The following TRIM62 variants were observed in gnomAD, a reference collection of about 807,000 sequenced individuals.
The protein encoded by TRIM62 is E3 ubiquitin-protein ligase TRIM62.
In TRIM62, 39 loss-of-function variants were observed where a neutral mutation model predicts 44.2. That is an observed-to-expected ratio of 0.88 (90% CI 0.68 to 1.15). The LOEUF (loss-of-function observed/expected upper bound fraction) is 1.15, where lower values mean the gene tolerates loss of function less well. Among genes scored for constraint, TRIM62 ranks in the 50% most tolerant of loss-of-function variants. The pLI, the probability that TRIM62 is intolerant of heterozygous loss-of-function variation, is 0.00. For synonymous variants in TRIM62, 278 were observed against 292.3 expected (o/e 0.95, Z 0.50); for missense variants, 544 against 665.5 (o/e 0.82, Z 2.01).
At chr1:33,155,366 C>T (rs12066702) in intron 4 of TRIM62, among the ~76,000 whole-genome samples, 6,238 of 152,052 alleles carry the variant, frequency 0.041, 292 homozygotes, top group African/African-American at 0.11. Context: ...CCACCATGCC[C>T]GGCCTCCCCT....
chr1:33,179,231 G>T (rs72885956), intron 1 of TRIM62, among the ~76,000 whole-genome samples: 3 of 152,362 alleles, frequency 2.0e-5, no homozygotes, highest in East Asian at 3.9e-4. Flanking sequence ...GCCAAGCCTT[G>T]TGCAGGCTCC....
chr1:33,175,080 C>G lies in TRIM62; in HGVS notation c.408+5945G>C, dbSNP rs554000017. The stretch of plus-strand genomic sequence containing the variant: ...TTTAAGATGGAGTCTCACTCTGTCA[C>G]CCAGGCTGGAGAGTAGTGGAATAAT... On this transcript the variant is annotated intron_variant, in intron 1 of 4. Transcript: ENST00000291416. 9.0e-5 allele frequency among the ~76,000 whole-genome samples: 12 copies of G among 132,672 alleles called. 1 individual carries two copies. The East Asian group carries it at 2.3e-3, about 25-fold the overall frequency. The allele number at this position is 132,672 out of a possible 152,430, so 87.0% of individuals were successfully genotyped here. A position where few individuals can be genotyped will look rare whatever the true frequency, so the allele number is the denominator to read the frequency against.
At position 33,159,628 on chromosome 1, in the gene TRIM62, C is replaced by A; in HGVS notation, c.761+60G>T. The A allele has an allele frequency of 6.4e-7, 1 of 1,558,962 alleles. No homozygotes were observed. Among genetic ancestry groups the A allele is most frequent in the Non-Finnish European group, 8.7e-7 (1 of 1,154,246 alleles). ...ATCCCATCTGCCTCCACTCCCACTGCCCAGCATGGGTCGAGGAGGGGATGG... is the reference window on the plus strand; with the variant it reads ...ATCCCATCTGCCTCCACTCCCACTGACCAGCATGGGTCGAGGAGGGGATGG... On this transcript the variant is annotated intron_variant, in intron 3 of 4. Transcript: ENST00000291416. This position sits in a 1 kb window ranked among gnomAD's most constrained non-coding sequence, Gnocchi z 4.2.
rs1234193227 is a variant in TRIM62 at position 33,181,354 on chromosome 1, C to G, written c.79G>C (p.Glu27Gln). 1 of 1,591,970 alleles carries G rather than the reference C, an allele frequency of 6.3e-7. No homozygotes were observed. The highest frequency in any genetic ancestry group is 8.5e-7 in the Non-Finnish European group (1 of 1,172,730). ...ATGCAGCGGCGGCAGAAGTAATGCT[C>G]GCAGCCCAGGCTCACCGGGTCCTGG... Reference protein sequence around the residue: ...IYQDPVSLGCEHYFCRRCITE... With the variant: ...IYQDPVSLGCQHYFCRRCITE... Residue 27 changes from glutamate to glutamine, a missense_variant, in exon 1 of 5, where the codon GAG becomes CAG. By Grantham distance (29) the Glu-to-Gln change is conservative. Transcript: ENST00000291416. The surrounding 1 kb of genome is among the most constrained non-coding windows in gnomAD (Gnocchi z 6.5).
At chr1:33,157,480 C>T (rs1041367246) in intron 4 of TRIM62, among the ~76,000 whole-genome samples, 5 of 152,164 alleles carry the variant, frequency 3.3e-5, no homozygotes, top group Non-Finnish European at 5.9e-5. Flanking sequence ...CTCACCTTTC[C>T]CAGCCCCCTT....
rs768648729 is a variant in TRIM62 at position 33,147,484 on chromosome 1, C to G, written c.1121G>C (p.Arg374Pro). Residue 374 changes from arginine (R) to proline (P), a missense_variant, in exon 5 of 5, where the codon CGC becomes CCC. Physicochemically the swap from Arg to Pro is moderately radical, Grantham distance 103. Coordinates refer to ENST00000291416, the MANE Select transcript of TRIM62 (RefSeq NM_018207.3). The surrounding 1 kb of genome is among the most constrained non-coding windows in gnomAD (Gnocchi z 8.1). ...GGGCTGGATCTGGATGCTGCCCTTG[C>G]GGCTTGCGGCTTCGTGTGCCAGCCC... ...VIGLAHEAASRKGSIQIQPSR... is the reference protein window; with the variant it reads ...VIGLAHEAASPKGSIQIQPSR... 1 of 1,613,148 alleles carries G rather than the reference C, an allele frequency of 6.2e-7. No homozygotes were observed. Among genetic ancestry groups the G allele is most frequent in the Non-Finnish European group, 8.5e-7 (1 of 1,179,846 alleles).
rs1192549020 is a variant in TRIM62, at chr1:33,165,461, CCAGGCT to C, written c.504+4_504+9del. 6.3e-7 allele frequency: 1 copy of C among 1,587,078 alleles called. No homozygotes were observed. The highest frequency in any genetic ancestry group is 1.3e-5 in the African/African-American group (1 of 74,206). On this transcript the variant is annotated splice_donor_5th_base_variant and intron_variant, in intron 2 of 4. Transcript: ENST00000291416. The surrounding 1 kb of genome is among the most constrained non-coding windows in gnomAD (Gnocchi z 4.0). The stretch of plus-strand genomic sequence containing the variant: ...TGCCGGCCCCACCTCCGCGCCCCGG[CCAGGCT>C]CACCTTGGTCTCCGCCAGTTGTCGC...
At chr1:33,169,110 T>C (rs947987995) in intron 1 of TRIM62, among the ~76,000 whole-genome samples, 1 of 152,102 alleles carries the variant, frequency 6.6e-6, no homozygotes, top group Non-Finnish European at 1.5e-5. Context: ...TGGGGAGAGA[T>C]GAGGTGTGAG....
Position 33,181,470 on chromosome 1 carries a change from G to A in TRIM62, c.-38C>T, listed in dbSNP as rs756373666. 1.9e-6 allele frequency: 3 copies of A among 1,544,822 alleles called. No homozygotes were observed. The highest frequency in any genetic ancestry group is 4.0e-5 in the Admixed American group (2 of 49,822). On this transcript the variant is annotated 5_prime_UTR_variant, in exon 1 of 5. Coordinates refer to ENST00000291416, the MANE Select transcript of TRIM62 (RefSeq NM_018207.3). This position sits in a 1 kb window ranked among gnomAD's most constrained non-coding sequence, Gnocchi z 6.5. The stretch of plus-strand genomic sequence containing the variant: ...AGCAGAGAGGGGGGCCCGAGGGGCA[G>A]GGGGGCGGCTGAGAGAGCGCGGCGC...
At chr1:33,163,394 C>T (rs935696291) in intron 2 of TRIM62, 9 of 152,134 alleles carry the variant, frequency 5.9e-5, no homozygotes, top group African/African-American at 1.7e-4. Flanking sequence ...GTGCCAGACA[C>T]TGTGCTAGGT....
intron 1 of TRIM62, among the ~76,000 whole-genome samples, chr1:33,174,979 A>ATG: frequency 1.3e-5 from 2 of 148,938 alleles, no homozygotes; most frequent in Admixed American, 6.7e-5. Context: ...ACACACATAT[A>ATG]CATATATATG....
chr1:33,154,280 G>T (rs1026298457), intron 4 of TRIM62, among the ~76,000 whole-genome samples: 2 of 152,084 alleles, frequency 1.3e-5, no homozygotes, highest in African/African-American at 4.8e-5. Context: ...TCCCTCCCCA[G>T]TCACTGACCC....
chr1:33,162,541 A>C (rs657459), intron 2 of TRIM62, among the ~76,000 whole-genome samples: 8 of 152,190 alleles, frequency 5.3e-5, no homozygotes, highest in African/African-American at 1.9e-4. Flanking sequence ...CCCATCCCAG[A>C]GCCTGGTACA....
intron 4 of TRIM62, among the ~76,000 whole-genome samples, chr1:33,155,084 CTCCAT>C (rs1472754298): frequency 1.4e-5 from 2 of 141,982 alleles, no homozygotes; most frequent in African/African-American, 5.1e-5. Context: ...CAGAGCGAGA[CTCCAT>C]CTCAAAAGGT....
rs115674150 is a variant in TRIM62, at chr1:33,167,911, G to C, written c.409-2345C>G. Among the ~76,000 whole-genome samples, 504 of 152,314 alleles carry C rather than the reference G, an allele frequency of 3.3e-3. 6 individuals carry two copies. Among genetic ancestry groups the C allele is most frequent in the African/African-American group, 0.012 (482 of 41,558 alleles). Reference sequence around the variant, plus strand: ...TTCTTGGGCAACTATTATGTACCAGGCACTGTTGAGGCACTGGGATTATGG... The same window carrying C: ...TTCTTGGGCAACTATTATGTACCAGCCACTGTTGAGGCACTGGGATTATGG... On this transcript the variant is annotated intron_variant, in intron 1 of 4. Coordinates refer to ENST00000291416, the MANE Select transcript of TRIM62 (RefSeq NM_018207.3). The surrounding 1 kb of genome is among the most constrained non-coding windows in gnomAD (Gnocchi z 4.2).
chr1:33,159,976 G>C lies in TRIM62; in HGVS notation c.505-32C>G, dbSNP rs1385354678. On this transcript the variant is annotated intron_variant, in intron 2 of 4. Transcript: ENST00000291416. This position sits in a 1 kb window ranked among gnomAD's most constrained non-coding sequence, Gnocchi z 4.2. ...GGGACAGTCGTCAGGGGTTATGGCT[G>C]GGGGAGCAGATGGGGTGATCTCTGG... 4 of 1,587,992 alleles carry C rather than the reference G, an allele frequency of 2.5e-6. No homozygotes were observed. The highest frequency in any genetic ancestry group is 2.2e-5 in the South Asian group (2 of 90,738).
intron 4 of TRIM62, among the ~76,000 whole-genome samples, chr1:33,154,093 G>A (rs1419586754): frequency 2.6e-5 from 4 of 152,234 alleles, no homozygotes; most frequent in Admixed American, 2.0e-4. Flanking sequence ...GCAGCCGAAG[G>A]GAATGGCATG....
chr1:33,155,981 A>G (rs1645172865), intron 4 of TRIM62, among the ~76,000 whole-genome samples: 1 of 152,210 alleles, frequency 6.6e-6, no homozygotes, highest in Admixed American at 6.5e-5. Context: ...AGGTGAAGCC[A>G]TCAGAAGAGA....
chr1:33,163,688 C>G (rs967440570), intron 2 of TRIM62: 2 of 152,404 alleles, frequency 1.3e-5, no homozygotes, highest in African/African-American at 4.8e-5. Flanking sequence ...CATCACCCCG[C>G]CAGGGCGCCG....
Sources: allele counts gnomAD v4.1 joint callset (sites outside exome capture counted in the v4.1 genomes callset), GRCh38; gene constraint gnomAD v4.1.1; non-coding constraint Gnocchi (gnomAD v3.1); transcripts MANE v1.5; gene names NCBI Gene and HGNC (gene_info 2026-07-23, HGNC 2026-07-21).